Variants in ATL2 observed in about 807,000 individuals in gnomAD.
The protein encoded by ATL2 is atlastin GTPase 2.
ATL2 carries 31 observed loss-of-function variants against 73.9 expected under a neutral mutation model. That is an observed-to-expected ratio of 0.42 (90% CI 0.32 to 0.57). The LOEUF (loss-of-function observed/expected upper bound fraction) is 0.57. ATL2 is among the 20% of genes least tolerant of loss of function. The pLI, the probability that ATL2 is intolerant of heterozygous loss-of-function variation, is 0.14. For synonymous variants in ATL2, 291 were observed against 237.5 expected (o/e 1.23, Z -2.07); for missense variants, 738 against 702.6 (o/e 1.05, Z -0.57).
Position 38,295,937 on chromosome 2 carries a change from T to C in ATL2, c.*57A>G. 7.2e-7 allele frequency: 1 copy of C among 1,388,874 alleles called. No individual in the cohort carries two copies. 86.0% of individuals were successfully genotyped at this position (1,388,874 alleles called of 1,614,324 possible). ...CTTTGGTTTATTTTTATTTGAGTTCTCATTGTACAGCAAGCATGAAAAAAA... is the reference window on the plus strand; with the variant it reads ...CTTTGGTTTATTTTTATTTGAGTTCCCATTGTACAGCAAGCATGAAAAAAA... On this transcript the variant is annotated 3_prime_UTR_variant, in exon 13 of 13. Coordinates refer to ENST00000378954, the MANE Select transcript of ATL2 (RefSeq NM_001135673.4).
At chr2:38,335,884 C>CA (rs1372547150) in intron 2 of ATL2, among the ~76,000 whole-genome samples, 3 of 152,120 alleles carry the variant, frequency 2.0e-5, no homozygotes, top group Non-Finnish European at 2.9e-5. Flanking sequence ...ACTAAAAATA[C>CA]AAAAAACTAG....
chr2:38,365,511 C>A (rs934599020), intron 1 of ATL2, among the ~76,000 whole-genome samples: 5 of 152,162 alleles, frequency 3.3e-5, no homozygotes, highest in Admixed American at 1.3e-4. Context: ...AAAAAATTGG[C>A]CAGGAGCAGT....
chr2:38,330,216 TAA>T (rs57775676), intron 2 of ATL2, among the ~76,000 whole-genome samples: 9 of 122,566 alleles, frequency 7.3e-5, no homozygotes, highest in Non-Finnish European at 1.2e-4. Context: ...ATTCAGGATT[TAA>T]AAAAAAAAAA....
intron 1 of ATL2, among the ~76,000 whole-genome samples, chr2:38,367,380 G>A (rs1465661053): frequency 6.6e-6 from 1 of 151,464 alleles, no homozygotes; most frequent in Non-Finnish European, 1.5e-5. Context: ...AAGGCGGGCA[G>A]ATCACGAGGT....
At chr2:38,376,203 T>G in intron 1 of ATL2, 1 of 1,516,050 alleles carries the variant, frequency 6.6e-7, no homozygotes. Context: ...CAGGATTTCA[T>G]GCGATCAATT....
At position 38,298,200 on chromosome 2, in the gene ATL2, C is replaced by T. The variant is rs749831120; in HGVS notation, c.1576G>A (p.Glu526Lys). 1 of 1,614,032 alleles carries T rather than the reference C, an allele frequency of 6.2e-7. No individual in the cohort carries two copies. Among genetic ancestry groups the T allele is most frequent in the Non-Finnish European group, 8.5e-7 (1 of 1,179,950 alleles). The change falls in exon 12 of 13, where the codon GAG becomes AAG. Residue 526 changes from glutamate (E) to lysine (K), a missense_variant. Transcript: ENST00000378954. ...ATCACTGTTCCAATTTCTCTGAACT[C>T]CCCAGAGTATTTAACATATGCCCAA... ...CTWAYVKYSG[E>K]FREIGTVIDQ...
intron 1 of ATL2, among the ~76,000 whole-genome samples, chr2:38,371,614 C>T (rs1313893020): frequency 2.6e-5 from 4 of 152,010 alleles, no homozygotes; most frequent in African/African-American, 9.7e-5. Flanking sequence ...ATTACAGACC[C>T]AGGCAGGGTG....
intron 2 of ATL2, among the ~76,000 whole-genome samples, chr2:38,330,234 T>C (rs1232261405): frequency 7.5e-5 from 10 of 133,978 alleles, no homozygotes; most frequent in Middle Eastern, 7.8e-3. Flanking sequence ...AAAAAAAAAC[T>C]CCCAGCACAC....
chr2:38,318,086 G>C (rs945927937), intron 4 of ATL2, among the ~76,000 whole-genome samples: 14 of 152,150 alleles, frequency 9.2e-5, no homozygotes, highest in African/African-American at 2.9e-4. Context: ...CAGCCCAAAA[G>C]CTAGAGTGTG....
chr2:38,376,669 C>T (rs1671987640), intron 1 of ATL2: 1 of 152,486 alleles, frequency 6.6e-6, no homozygotes, highest in Non-Finnish European at 1.5e-5. Context: ...CGGGGCCCAT[C>T]ATGCCCTGGC....
chr2:38,329,096 C>T (rs1208621671), intron 2 of ATL2, among the ~76,000 whole-genome samples: 1 of 147,202 alleles, frequency 6.8e-6, no homozygotes, highest in Non-Finnish European at 1.5e-5. Context: ...AACTACCAAA[C>T]TCACACAAGG....
chr2:38,296,122 T>G lies in ATL2; in HGVS notation c.1633-9A>C. On this transcript the variant is annotated splice_polypyrimidine_tract_variant and intron_variant, in intron 12 of 12. Transcript: ENST00000378954. ...CCCAGGGGCTTCAATACCTGTGGTA[T>G]GAGAAATGTGCAAAACAAACAAAAA... is the stretch of plus-strand genomic sequence containing the variant. The G allele has an allele frequency of 6.5e-7, 1 of 1,544,882 alleles. No homozygotes were observed. Among genetic ancestry groups the G allele is most frequent in the Non-Finnish European group, 8.7e-7 (1 of 1,143,696 alleles).
intron 1 of ATL2, among the ~76,000 whole-genome samples, chr2:38,367,012 AT>A (rs935697431): frequency 6.6e-6 from 1 of 151,534 alleles, no homozygotes; most frequent in Non-Finnish European, 1.5e-5. Flanking sequence ...TACTATTATT[AT>A]TTTTTTTAGC....
chr2:38,346,712 C>T (rs974963298), intron 1 of ATL2, among the ~76,000 whole-genome samples: 3 of 152,160 alleles, frequency 2.0e-5, no homozygotes, highest in Non-Finnish European at 2.9e-5. Context: ...TGACAGGAGG[C>T]GAAGCTCAGG....
intron 2 of ATL2, among the ~76,000 whole-genome samples, chr2:38,324,818 T>C (rs560446168): frequency 9.6e-4 from 147 of 152,346 alleles, no homozygotes; most frequent in Non-Finnish European, 1.6e-3. Flanking sequence ...ATTCTACTCA[T>C]ATGAGGTGCT....
intron 2 of ATL2, among the ~76,000 whole-genome samples, chr2:38,336,189 G>T (rs894828951): frequency 6.6e-6 from 1 of 152,192 alleles, no homozygotes; most frequent in African/African-American, 2.4e-5. Flanking sequence ...TATCCTTAAA[G>T]AGGAAGGTAA....
At chr2:38,318,493 T>G (rs1252856345) in intron 4 of ATL2, 42 bp downstream of exon 4, 1 of 1,413,270 alleles carries the variant, frequency 7.1e-7, no homozygotes, top group Admixed American at 2.4e-5. Flanking sequence ...AGGGGCCAAA[T>G]GATTACGTGA....
intron 1 of ATL2, among the ~76,000 whole-genome samples, chr2:38,360,742 G>A (rs1009689443): frequency 1.3e-5 from 2 of 152,076 alleles, no homozygotes; most frequent in African/African-American, 4.8e-5. Flanking sequence ...CTTTTTTGGG[G>A]GGAAATGAGG....
At chr2:38,302,100 C>CT (rs1440330841) in intron 9 of ATL2, among the ~76,000 whole-genome samples, 1 of 152,168 alleles carries the variant, frequency 6.6e-6, no homozygotes, top group East Asian at 1.9e-4. Flanking sequence ...AGGGAACCCA[C>CT]TGTCTTGAGG....
Sources: allele counts gnomAD v4.1 joint callset (sites outside exome capture counted in the v4.1 genomes callset), GRCh38; gene constraint gnomAD v4.1.1; transcripts MANE v1.5; gene names NCBI Gene and HGNC (gene_info 2026-07-23, HGNC 2026-07-21).